The following CNGB3 variants were observed in gnomAD, a reference collection of about 807,000 sequenced individuals.
The protein encoded by CNGB3 is cyclic nucleotide-gated channel beta-3.
Under a neutral mutation model 92.8 loss-of-function variants are expected in CNGB3, and 86 were observed. The ratio of observed to expected loss-of-function variants is 0.93; its 90% CI spans 0.78 to 1.11. The LOEUF (loss-of-function observed/expected upper bound fraction) is 1.11, where lower values mean the gene tolerates loss of function less well. Ranked by LOEUF, CNGB3 falls within the 50% of genes least tolerant of loss-of-function variation. The probability of loss-of-function intolerance (pLI) is 0.00; values close to 1 mark genes in which losing one functional copy is unlikely to be tolerated. For missense variants in CNGB3, 1,026 were observed against 956.8 expected (o/e 1.07, Z -0.95); for synonymous variants, 333 against 332.7 (o/e 1.00, Z -0.01).
At chr8:86,631,067 T>C (rs1822952301) in intron 11 of CNGB3, among the ~76,000 whole-genome samples, 1 of 152,238 alleles carries the variant, frequency 6.6e-6, no homozygotes, top group Non-Finnish European at 1.5e-5. Flanking sequence ...TCTTGTGGTC[T>C]ACTACCACAT....
intron 6 of CNGB3, chr8:86,657,661 G>A (rs185410710): frequency 1.6e-5 from 7 of 429,086 alleles, no homozygotes; most frequent in African/African-American, 1.4e-4. Flanking sequence ...TAATCAACAG[G>A]GTTCTTGGCA....
chr8:86,669,861 A>AT (rs573701899), intron 4 of CNGB3, among the ~76,000 whole-genome samples: 3,239 of 147,206 alleles, frequency 0.022, 109 homozygotes, highest in African/African-American at 0.073. Flanking sequence ...TATCATATTG[A>AT]TTTTTTTTTT....
At chr8:86,695,070 G>A (rs1004417736) in intron 3 of CNGB3, among the ~76,000 whole-genome samples, 10 of 152,232 alleles carry the variant, frequency 6.6e-5, no homozygotes, top group South Asian at 2.1e-4. Context: ...CAAGGCTGGC[G>A]GATCACTCGC....
intron 3 of CNGB3, among the ~76,000 whole-genome samples, chr8:86,692,155 A>G (rs1001379669): frequency 9.2e-5 from 14 of 152,284 alleles, no homozygotes; most frequent in African/African-American, 1.7e-4. Context: ...CATGTGGTCA[A>G]TCTTGGGGAA....
rs1267704349 is a variant in CNGB3, at chr8:86,669,410, A to G, written c.494-1242T>C. 3.3e-5 allele frequency among the ~76,000 whole-genome samples: 5 copies of G among 152,362 alleles called. No individual in the cohort carries two copies. The East Asian group carries it at 9.6e-4, about 29-fold the overall frequency. ...TATGTAACAGGTTTAAAGCTCACAAATAAGGTGTCACAAAGGTGTTACAAA... is the reference window on the plus strand; with the variant it reads ...TATGTAACAGGTTTAAAGCTCACAAGTAAGGTGTCACAAAGGTGTTACAAA... On this transcript the variant is annotated intron_variant, in intron 4 of 17. Transcript: ENST00000320005.
intron 3 of CNGB3, among the ~76,000 whole-genome samples, chr8:86,678,198 G>A (rs1563751470): frequency 6.6e-6 from 1 of 151,890 alleles, no homozygotes; most frequent in Non-Finnish European, 1.5e-5. Flanking sequence ...AGTTACATCT[G>A]AAAAAAAATC....
chr8:86,662,863 G>C (rs1443070677), intron 6 of CNGB3, among the ~76,000 whole-genome samples: 2 of 152,142 alleles, frequency 1.3e-5, no homozygotes, highest in Non-Finnish European at 2.9e-5. Flanking sequence ...GGCCATGGGA[G>C]AGCCAAGGAC....
chr8:86,597,837 C>T (rs746562977), intron 15 of CNGB3, among the ~76,000 whole-genome samples: 15 of 151,806 alleles, frequency 9.9e-5, no homozygotes, highest in African/African-American at 1.9e-4. Context: ...AAATTAGCTG[C>T]GCACGATGGC....
intron 3 of CNGB3, among the ~76,000 whole-genome samples, chr8:86,711,740 A>C (rs1444619271): frequency 6.6e-6 from 1 of 152,002 alleles, no homozygotes; most frequent in Admixed American, 6.6e-5. Context: ...ATCTTGGTAC[A>C]TCTAGTTTTT....
intron 6 of CNGB3, chr8:86,658,232 C>A: frequency 1.8e-6 from 1 of 559,422 alleles, no homozygotes; most frequent in Non-Finnish European, 3.3e-6. Context: ...GCCCACGTGG[C>A]CATGCCTGCT....
rs921880488 is a variant in CNGB3, at chr8:86,658,334, C to T, written c.853-4272G>A. The T allele has an allele frequency of 1.1e-4, 52 of 476,132 alleles. No homozygotes were observed. In the East Asian group the frequency reaches 1.2e-3, roughly 11 times the overall value. 29.5% of individuals were successfully genotyped at this position (476,132 alleles called of 1,614,324 possible). On this transcript the variant is annotated intron_variant, in intron 6 of 17. Transcript: ENST00000320005. ...CCGGGATGCTTGGCATGAGCGGAAG[C>T]GCCTCCTCCTCACTGTCCAGTCCAT...
chr8:86,587,812 G>A (rs1377658744), intron 15 of CNGB3, among the ~76,000 whole-genome samples: 4 of 151,300 alleles, frequency 2.6e-5, no homozygotes, highest in Admixed American at 2.6e-4. Flanking sequence ...GATTGACTTG[G>A]CGATGCGGGC....
intron 15 of CNGB3, among the ~76,000 whole-genome samples, chr8:86,585,815 G>A (rs943054830): frequency 6.6e-6 from 1 of 152,106 alleles, no homozygotes; most frequent in Non-Finnish European, 1.5e-5. Context: ...TTGTAATAGA[G>A]CCCCCAGTAA....
At chr8:86,657,239 C>G (rs777035323) in intron 6 of CNGB3, 3 of 206,976 alleles carry the variant, frequency 1.4e-5, no homozygotes, top group Non-Finnish European at 2.0e-5. Context: ...AGGGTCTGCA[C>G]TTGTTTGTCT....
intron 3 of CNGB3, among the ~76,000 whole-genome samples, chr8:86,688,142 A>C (rs746862476): frequency 6.6e-6 from 1 of 151,960 alleles, no homozygotes; most frequent in Middle Eastern, 3.2e-3. Context: ...ATCTTATGGG[A>C]GCTAAGAGAG....
At chr8:86,650,555 T>C (rs1342700792) in intron 7 of CNGB3, among the ~76,000 whole-genome samples, 1 of 151,514 alleles carries the variant, frequency 6.6e-6, no homozygotes, top group Non-Finnish European at 1.5e-5. Flanking sequence ...GCAGACACAC[T>C]GTCTGCTTTT....
intron 10 of CNGB3, among the ~76,000 whole-genome samples, chr8:86,642,113 T>C (rs1487765741): frequency 1.3e-5 from 2 of 151,694 alleles, no homozygotes; most frequent in African/African-American, 4.8e-5. Context: ...AGCTTAACAC[T>C]GGGAACAAGA....
At chr8:86,695,121 C>T (rs934328010) in intron 3 of CNGB3, among the ~76,000 whole-genome samples, 2 of 150,838 alleles carry the variant, frequency 1.3e-5, no homozygotes, top group African/African-American at 2.4e-5. Context: ...ACAGCGAAAC[C>T]CCGTCTCCAC....
intron 2 of CNGB3, among the ~76,000 whole-genome samples, chr8:86,734,476 A>C (rs572136089): frequency 6.6e-6 from 1 of 152,334 alleles, no homozygotes; most frequent in Non-Finnish European, 1.5e-5. Flanking sequence ...ACGCATTGCC[A>C]GATTCAGAAT....
Sources: gnomAD v4.1 joint callset for allele counts (sites outside exome capture counted in the v4.1 genomes callset) on GRCh38, gnomAD v4.1.1 for gene constraint, MANE v1.5 for transcripts, NCBI Gene and HGNC (gene_info 2026-07-23, HGNC 2026-07-21) for gene names.